FSD1L: variants seen among roughly 807,000 people sequenced by gnomAD.
FSD1L encodes fibronectin type III and SPRY domain containing 1 like, also known as FSD1-like protein.
In FSD1L, 45 loss-of-function variants were observed where a neutral mutation model predicts 71.6. That is an observed-to-expected ratio of 0.63 (90% CI 0.49 to 0.81). The LOEUF (loss-of-function observed/expected upper bound fraction) is 0.81. Among genes scored for constraint, FSD1L ranks in the 30% least tolerant of loss-of-function variants. The pLI, the probability that FSD1L is intolerant of heterozygous loss-of-function variation, is 0.00. For missense variants in FSD1L, 561 were observed against 618.1 expected (o/e 0.91, Z 0.98); for synonymous variants, 197 against 207.2 (o/e 0.95, Z 0.42).
intron 7 of FSD1L, among the ~76,000 whole-genome samples, chr9:105,489,269 G>A (rs574342543): frequency 6.6e-6 from 1 of 151,990 alleles, no homozygotes; most frequent in Non-Finnish European, 1.5e-5. Flanking sequence ...ACTGATCTAC[G>A]ATAAGAAACT....
intron 12 of FSD1L, among the ~76,000 whole-genome samples, 177 bp from the exon 13 acceptor site, chr9:105,539,086 G>A (rs1159572944): frequency 6.6e-6 from 1 of 151,936 alleles, no homozygotes; most frequent in African/African-American, 2.4e-5. Context: ...AATTGGATTG[G>A]GCTTTTCCTT....
intron 10 of FSD1L, among the ~76,000 whole-genome samples, chr9:105,519,223 G>A (rs1184698763): frequency 6.6e-6 from 1 of 152,128 alleles, no homozygotes; most frequent in Non-Finnish European, 1.5e-5. Context: ...TCTACCAGAG[G>A]TACAAAGAGG....
upstream of FSD1L, among the ~76,000 whole-genome samples, chr9:105,443,303 C>T (rs913034725): frequency 1.1e-4 from 17 of 150,348 alleles, no homozygotes; most frequent in African/African-American, 4.2e-4. Context: ...AAGGCACATC[C>T]TACATTGGCA....
intron 9 of FSD1L, among the ~76,000 whole-genome samples, chr9:105,512,486 C>T (rs1201893822): frequency 1.3e-5 from 2 of 152,028 alleles, no homozygotes; most frequent in African/African-American, 2.4e-5. Context: ...AACTGATATC[C>T]TAATAACAGG....
At chr9:105,518,988 C>G (rs1834926730) in intron 10 of FSD1L, among the ~76,000 whole-genome samples, 3 of 152,150 alleles carry the variant, frequency 2.0e-5, no homozygotes, top group Admixed American at 2.0e-4. Context: ...CACCATTGAT[C>G]CCACAGAAAT....
chr9:105,475,698 G>A (rs949761333), intron 5 of FSD1L, among the ~76,000 whole-genome samples: 1 of 152,180 alleles, frequency 6.6e-6, no homozygotes, highest in Non-Finnish European at 1.5e-5. Context: ...ATGTCTTACA[G>A]AAATGCAATC....
upstream of FSD1L, among the ~76,000 whole-genome samples, chr9:105,443,060 G>A (rs534917986): frequency 2.0e-5 from 3 of 152,138 alleles, no homozygotes; most frequent in East Asian, 5.8e-4. Context: ...TTCTCACATG[G>A]TTTCACTAGT....
chr9:105,512,857 G>A lies in FSD1L; in HGVS notation c.946G>A (p.Glu316Lys), dbSNP rs1202883283. The A allele has an allele frequency of 1.3e-6, 2 of 1,541,118 alleles. No individual in the cohort carries two copies. Among genetic ancestry groups the A allele is most frequent in the Admixed American group, 4.0e-5 (2 of 49,874 alleles). ...CTCATCCCATTTGAACCTGAAAGTT[G>A]AAGATACATGTGTAGAGTGGGATCC... is the stretch of plus-strand genomic sequence containing the variant. ...NSSSHLNLKV[E>K]DTCVEWDPTG... Residue 316 changes from glutamate (E) to lysine (K), a missense_variant, in exon 10 of 14, where the codon GAA becomes AAA. Glu to Lys is a moderately conservative substitution (Grantham distance 56, BLOSUM62 1). Coordinates refer to ENST00000481272, the MANE Select transcript of FSD1L (RefSeq NM_001145313.3).
rs116142707 is a variant in FSD1L at position 105,500,815 on chromosome 9, A to G, written c.587-5584A>G. ...AATAAAAATTTTGCCAAGGGATTAT[A>G]ATCTCAAGCATTTGAGATAGTTTAT... On this transcript the variant is annotated intron_variant, in intron 7 of 13. Transcript: ENST00000481272. The G allele has an allele frequency of 7.0e-4, 106 of 152,356 alleles. 1 individual carries two copies. The highest frequency in any genetic ancestry group is 2.5e-3 in the African/African-American group (105 of 41,590). 9.4% of individuals were successfully genotyped at this position (152,356 alleles called of 1,614,324 possible).
At chr9:105,451,579 G>A (rs1830007386) in intron 1 of FSD1L, among the ~76,000 whole-genome samples, 1 of 152,142 alleles carries the variant, frequency 6.6e-6, no homozygotes, top group South Asian at 2.1e-4. Flanking sequence ...GCATACTGTT[G>A]GATACAGAAA....
At chr9:105,463,196 C>T (rs1702582328) in intron 2 of FSD1L, among the ~76,000 whole-genome samples, 1 of 152,008 alleles carries the variant, frequency 6.6e-6, no homozygotes, top group South Asian at 2.1e-4. Flanking sequence ...TTCCTGGGCT[C>T]CTTATCTATA....
Position 105,452,664 on chromosome 9 carries a change from TGCC to T in FSD1L, c.15+4430_15+4432del, listed in dbSNP as rs1564073292. On this transcript the variant is annotated intron_variant, in intron 1 of 13. Transcript: ENST00000481272. ...CTGCCTGCCTGCCTGCCTGCCTGCC[TGCC>T]TGCCTTCCTTCCTTCCTTCCTTCCT... Among the ~76,000 whole-genome samples the T allele has an allele frequency of 3.5e-3, 457 of 131,944 alleles. 3 individuals carry two copies. Among genetic ancestry groups the T allele is most frequent in the Admixed American group, 6.4e-3 (80 of 12,524 alleles). The allele number at this position is 131,944 out of a possible 152,430, so 86.6% of individuals were successfully genotyped here.
At chr9:105,492,183 A>G (rs1247258540) in intron 7 of FSD1L, among the ~76,000 whole-genome samples, 1 of 152,022 alleles carries the variant, frequency 6.6e-6, no homozygotes, top group African/African-American at 2.4e-5. Context: ...AGAGCCTGTT[A>G]TTGGTCTATT....
intron 4 of FSD1L, among the ~76,000 whole-genome samples, chr9:105,470,503 T>C (rs1831382139): frequency 6.6e-6 from 1 of 152,200 alleles, no homozygotes; most frequent in African/African-American, 2.4e-5. Context: ...CTGTTCTTTT[T>C]GATACTATTA....
intron 10 of FSD1L, among the ~76,000 whole-genome samples, chr9:105,527,560 T>G (rs977094337): frequency 6.6e-6 from 1 of 152,110 alleles, no homozygotes; most frequent in Non-Finnish European, 1.5e-5. Context: ...TGTAGCATGA[T>G]ATTGGTACTA....
intron 10 of FSD1L, among the ~76,000 whole-genome samples, chr9:105,527,862 T>C (rs923502848): frequency 6.6e-6 from 1 of 152,188 alleles, no homozygotes; most frequent in African/African-American, 2.4e-5. Flanking sequence ...ATTGTCTCTG[T>C]TTGCAGATGA....
At chr9:105,481,156 T>C (rs2131690112) in intron 6 of FSD1L, among the ~76,000 whole-genome samples, 1 of 139,392 alleles carries the variant, frequency 7.2e-6, no homozygotes, top group African/African-American at 2.6e-5. Context: ...TGTGTGTGTG[T>C]GTGTGTGTGT....
chr9:105,462,891 A>C (rs1208754156), intron 2 of FSD1L, among the ~76,000 whole-genome samples: 1 of 149,072 alleles, frequency 6.7e-6, no homozygotes, highest in Non-Finnish European at 1.5e-5. Context: ...CAGTCCCAGC[A>C]CTTTGGGAGG....
chr9:105,465,880 T>A (rs1431950619), intron 3 of FSD1L, among the ~76,000 whole-genome samples: 1 of 152,104 alleles, frequency 6.6e-6, no homozygotes, highest in Non-Finnish European at 1.5e-5. Flanking sequence ...CACCACTTTT[T>A]TTTTTTTTTG....
Sources: allele counts gnomAD v4.1 joint callset (sites outside exome capture counted in the v4.1 genomes callset), GRCh38; gene constraint gnomAD v4.1.1; transcripts MANE v1.5; gene names NCBI Gene and HGNC (gene_info 2026-07-23, HGNC 2026-07-21).